Variants in JARID2 observed in about 807,000 individuals in gnomAD.
JARID2 encodes jumonji and AT-rich interaction domain containing 2, also known as protein Jumonji.
In JARID2, 21 loss-of-function variants were observed where a neutral mutation model predicts 125.6. The observed-to-expected ratio is 0.17, with a 90% CI of 0.12 to 0.24. JARID2 has a LOEUF of 0.24. Ranked by LOEUF, JARID2 falls within the 10% of genes least tolerant of loss-of-function variation. The pLI, the probability that JARID2 is intolerant of heterozygous loss-of-function variation, is 1.00. For synonymous variants in JARID2, 736 were observed against 661.6 expected (o/e 1.11, Z -1.73); for missense variants, 1,303 against 1,639.6 (o/e 0.79, Z 3.55).
chr6:15,353,452 T>C (rs1029289197), intron 1 of JARID2, among the ~76,000 whole-genome samples: 9 of 152,236 alleles, frequency 5.9e-5, no homozygotes, highest in African/African-American at 1.9e-4. Context: ...AAGAGCAGTT[T>C]GGAGACAAGA....
chr6:15,475,178 T>G (rs1769280848), intron 5 of JARID2, among the ~76,000 whole-genome samples: 1 of 152,244 alleles, frequency 6.6e-6, no homozygotes, highest in South Asian at 2.1e-4. Context: ...GATTTCATTA[T>G]GAGTATCCAT....
At chr6:15,359,714 C>CTT (rs112384616) in intron 1 of JARID2, among the ~76,000 whole-genome samples, 8 of 144,550 alleles carry the variant, frequency 5.5e-5, no homozygotes, top group Admixed American at 1.4e-4. Flanking sequence ...TTTCTTTTTC[C>CTT]TTTTTTTTTT....
intron 3 of JARID2, among the ~76,000 whole-genome samples, chr6:15,424,954 CAT>C (rs1036676566): frequency 7.2e-5 from 11 of 152,194 alleles, no homozygotes; most frequent in Non-Finnish European, 1.2e-4. Context: ...ACATTCCTTA[CAT>C]ATGTTAGCCC....
At chr6:15,508,292 C>A (rs767546715) in intron 11 of JARID2, 48 bp from the exon 12 acceptor site, 5 of 927,348 alleles carry the variant, frequency 5.4e-6, no homozygotes, top group Non-Finnish European at 9.0e-6. Flanking sequence ...CCTTTGAGAC[C>A]TTGTTGCCTA....
At chr6:15,281,615 A>G (rs1219583037) in intron 1 of JARID2, among the ~76,000 whole-genome samples, 2 of 152,210 alleles carry the variant, frequency 1.3e-5, no homozygotes, top group Admixed American at 1.3e-4. Context: ...ATTTATATAA[A>G]TGGAATGTAA....
intron 1 of JARID2, among the ~76,000 whole-genome samples, chr6:15,341,868 G>T (rs1763081044): frequency 6.6e-6 from 1 of 152,184 alleles, no homozygotes; most frequent in African/African-American, 2.4e-5. Flanking sequence ...TCAAACTGTA[G>T]AAAGAAGAGT....
At chr6:15,335,973 C>G (rs571084804) in intron 1 of JARID2, among the ~76,000 whole-genome samples, 1 of 152,260 alleles carries the variant, frequency 6.6e-6, no homozygotes, top group East Asian at 1.9e-4. Context: ...GTGGTCCCAG[C>G]TACTCAAGAG....
At position 15,500,145 on chromosome 6, in the gene JARID2, T is replaced by C. The variant is rs1388232034; in HGVS notation, c.1946-762T>C. On this transcript the variant is annotated intron_variant, in intron 7 of 17. Transcript: ENST00000341776. The stretch of plus-strand genomic sequence containing the variant: ...CTCCATTCCCATCTAGAAAAGCCAC[T>C]GGGCGCGCGTTAAAACCTGCCCAGG... 2.6e-5 allele frequency among the ~76,000 whole-genome samples: 4 copies of C among 152,324 alleles called. No homozygotes were observed. The East Asian group carries it at 7.7e-4, about 29-fold the overall frequency.
intron 3 of JARID2, among the ~76,000 whole-genome samples, chr6:15,422,146 A>G (rs1386024079): frequency 6.6e-6 from 1 of 152,206 alleles, no homozygotes; most frequent in Non-Finnish European, 1.5e-5. Flanking sequence ...AAGCGCGTCC[A>G]GGAGAGGGCC....
chr6:15,399,550 A>G (rs569108869), intron 2 of JARID2, among the ~76,000 whole-genome samples: 6 of 152,166 alleles, frequency 3.9e-5, no homozygotes, highest in Admixed American at 2.6e-4. Context: ...TATATTTTTG[A>G]TGTAAGAAGT....
chr6:15,515,681 C>A (rs768427057), intron 16 of JARID2, among the ~76,000 whole-genome samples: 23 of 150,986 alleles, frequency 1.5e-4, no homozygotes, highest in Admixed American at 2.6e-4. Flanking sequence ...CCCAGAAGTT[C>A]AAGGCTACAG....
intron 1 of JARID2, among the ~76,000 whole-genome samples, chr6:15,250,589 T>G (rs537697765): frequency 1.4e-3 from 212 of 152,304 alleles, no homozygotes; most frequent in African/African-American, 4.6e-3. Context: ...GTCACTAAAA[T>G]TTGAAAGAAA....
intron 4 of JARID2, among the ~76,000 whole-genome samples, chr6:15,452,498 A>G (rs985374565): frequency 2.6e-5 from 4 of 152,152 alleles, no homozygotes; most frequent in Admixed American, 6.5e-5. Flanking sequence ...ACACACACAC[A>G]TTGCTGACTT....
chr6:15,384,447 T>C (rs1764706716), intron 2 of JARID2, among the ~76,000 whole-genome samples: 1 of 151,878 alleles, frequency 6.6e-6, no homozygotes, highest in African/African-American at 2.4e-5. Flanking sequence ...GTCTCTCATC[T>C]GCTTCTGTTG....
intron 12 of JARID2, among the ~76,000 whole-genome samples, chr6:15,510,648 A>G (rs1305298640): frequency 6.6e-6 from 1 of 152,160 alleles, no homozygotes; most frequent in Non-Finnish European, 1.5e-5. Flanking sequence ...GATGCCGGGT[A>G]GGCTGGGTCC....
chr6:15,465,430 G>A (rs1356490947), intron 4 of JARID2, among the ~76,000 whole-genome samples: 2 of 152,098 alleles, frequency 1.3e-5, no homozygotes, highest in African/African-American at 2.4e-5. Context: ...CAGCCTGGGC[G>A]ACAGAGTGAT....
intron 3 of JARID2, among the ~76,000 whole-genome samples, chr6:15,448,653 G>T (rs942175240): frequency 7.9e-5 from 12 of 152,144 alleles, no homozygotes; most frequent in Admixed American, 7.2e-4. Context: ...CATTTCCTTT[G>T]TTTTAAAACA....
At chr6:15,472,310 C>G in intron 5 of JARID2, among the ~76,000 whole-genome samples, 1 of 152,018 alleles carries the variant, frequency 6.6e-6, no homozygotes, top group East Asian at 1.9e-4. Context: ...GTCACAGCAT[C>G]AGATAGAGGA....
At chr6:15,293,751 T>C (rs1395758895) in intron 1 of JARID2, among the ~76,000 whole-genome samples, 1 of 152,234 alleles carries the variant, frequency 6.6e-6, no homozygotes, top group East Asian at 1.9e-4. Flanking sequence ...TGTGGGAATG[T>C]GTCTCCCTGT....
Sources: gnomAD v4.1 joint callset for allele counts (sites outside exome capture counted in the v4.1 genomes callset) on GRCh38, gnomAD v4.1.1 for gene constraint, MANE v1.5 for transcripts, NCBI Gene and HGNC (gene_info 2026-07-23, HGNC 2026-07-21) for gene names.